The following EPHA4 variants were observed in gnomAD, a reference collection of about 807,000 sequenced individuals.
EPHA4 encodes the protein ephrin type-A receptor 4.
EPHA4 carries 19 observed loss-of-function variants against 108.3 expected under a neutral mutation model. The ratio of observed to expected loss-of-function variants is 0.18; its 90% confidence interval spans 0.12 to 0.26. EPHA4 has a LOEUF of 0.26. EPHA4 is among the 10% of genes least tolerant of loss of function. EPHA4 has a pLI of 1.00. For missense variants in EPHA4, 917 were observed against 1,254.0 expected (o/e 0.73, Z 4.06); for synonymous variants, 449 against 455.5 (o/e 0.99, Z 0.18).
At chr2:221,422,824 C>T (rs1452761985) in intron 17 of EPHA4, among the ~76,000 whole-genome samples, 3 of 152,164 alleles carry the variant, frequency 2.0e-5, no homozygotes, top group Non-Finnish European at 4.4e-5. Flanking sequence ...CTTTTCATTG[C>T]AATAGAATTT....
At chr2:221,570,838 G>A (rs919018308) in intron 1 of EPHA4, among the ~76,000 whole-genome samples, 3 of 151,812 alleles carry the variant, frequency 2.0e-5, no homozygotes, top group African/African-American at 7.3e-5. Flanking sequence ...ATATATGGAT[G>A]GATGCATTAT....
intron 5 of EPHA4, among the ~76,000 whole-genome samples, chr2:221,478,569 G>A (rs533423890): frequency 7.2e-4 from 109 of 152,140 alleles, no homozygotes; most frequent in Non-Finnish European, 1.4e-3. Flanking sequence ...TACTGGGTAC[G>A]ACTTCAGCTG....
intron 17 of EPHA4, chr2:221,422,188 A>T (rs1689779725): frequency 6.6e-6 from 1 of 152,206 alleles, no homozygotes; most frequent in South Asian, 2.1e-4. Context: ...AAAGTCATCA[A>T]ATCTACCTTC....
chr2:221,470,143 G>T (rs1005469465), intron 5 of EPHA4, among the ~76,000 whole-genome samples: 1 of 152,068 alleles, frequency 6.6e-6, no homozygotes, highest in Non-Finnish European at 1.5e-5. Context: ...TCCTGACAAG[G>T]CCAGAGAGTC....
At chr2:221,567,135 A>G (rs1255035854) in intron 2 of EPHA4, among the ~76,000 whole-genome samples, 2 of 152,192 alleles carry the variant, frequency 1.3e-5, no homozygotes, top group Non-Finnish European at 2.9e-5. Context: ...TTAGTGAAAC[A>G]AGTCAGGTTC....
At chr2:221,556,434 C>T (rs1302895274) in intron 3 of EPHA4, among the ~76,000 whole-genome samples, 1 of 151,134 alleles carries the variant, frequency 6.6e-6, no homozygotes, top group African/African-American at 2.4e-5. Flanking sequence ...GTAGCTGGGA[C>T]TACAGGCTCA....
At chr2:221,510,979 G>C (rs972989186) in intron 3 of EPHA4, among the ~76,000 whole-genome samples, 1 of 152,172 alleles carries the variant, frequency 6.6e-6, no homozygotes, top group Non-Finnish European at 1.5e-5. Context: ...TGGGAATAAA[G>C]ATTGCTAGCT....
chr2:221,552,671 A>G (rs1296282079), intron 3 of EPHA4, among the ~76,000 whole-genome samples: 2 of 152,232 alleles, frequency 1.3e-5, no homozygotes, highest in Non-Finnish European at 2.9e-5. Flanking sequence ...AAACACTTAA[A>G]TCTGAAAACA....
Position 221,572,167 on chromosome 2 carries a change from C to T in EPHA4, c.82G>A (p.Ala28Thr), listed in dbSNP as rs763735444. Residue 28 changes from alanine to threonine, a missense_variant, in exon 1 of 18, where the codon GCG (alanine) becomes ACG (threonine). Ala to Thr is a moderately conservative substitution (Grantham distance 58, BLOSUM62 0). Transcript: ENST00000281821. ...GCCGTCCCGCTCTTACCTTCATTCG[C>T]GGGGTATACCCTGGAACCTGTGACA... ...DAVTGSRVYP[A>T]NEVTLLDSRS... is the part of the protein sequence containing the mutation. The T allele has an allele frequency of 1.2e-6, 2 of 1,613,840 alleles. No individual in the cohort carries two copies. The highest frequency in any genetic ancestry group is 1.7e-6 in the Non-Finnish European group (2 of 1,179,754).
At chr2:221,517,452 G>C (rs538883480) in intron 3 of EPHA4, among the ~76,000 whole-genome samples, 2 of 152,196 alleles carry the variant, frequency 1.3e-5, no homozygotes, top group East Asian at 3.9e-4. Flanking sequence ...GATTCATTTG[G>C]CTGCTGGTAG....
At chr2:221,428,224 C>T (rs1689969312) in intron 15 of EPHA4, among the ~76,000 whole-genome samples, 1 of 152,154 alleles carries the variant, frequency 6.6e-6, no homozygotes, top group Non-Finnish European at 1.5e-5. Flanking sequence ...GTCAAAATGA[C>T]CTTACAATGA....
At chr2:221,450,238 A>T (rs1373668185) in intron 8 of EPHA4, among the ~76,000 whole-genome samples, 1 of 152,120 alleles carries the variant, frequency 6.6e-6, no homozygotes, top group Non-Finnish European at 1.5e-5. Context: ...GTGAAACCCC[A>T]TCTCTATTAA....
intron 5 of EPHA4, among the ~76,000 whole-genome samples, chr2:221,459,545 C>T (rs1430202046): frequency 6.6e-6 from 1 of 151,280 alleles, no homozygotes; most frequent in African/African-American, 2.4e-5. Context: ...AGGCCCCCTT[C>T]TCCCAACACA....
chr2:221,529,497 T>C (rs1693442330), intron 3 of EPHA4, among the ~76,000 whole-genome samples: 1 of 152,160 alleles, frequency 6.6e-6, no homozygotes, highest in South Asian at 2.1e-4. Context: ...TAAAACAAGG[T>C]TACAAATCTG....
At chr2:221,513,472 A>G (rs537557018) in intron 3 of EPHA4, among the ~76,000 whole-genome samples, 16 of 152,348 alleles carry the variant, frequency 1.1e-4, no homozygotes, top group African/African-American at 3.6e-4. Context: ...GACTGCAGTA[A>G]TAAGTGCTCA....
chr2:221,454,435 G>T (rs1460039449), intron 8 of EPHA4, among the ~76,000 whole-genome samples: 1 of 152,176 alleles, frequency 6.6e-6, no homozygotes, highest in Non-Finnish European at 1.5e-5. Flanking sequence ...AAGCAGCTCA[G>T]CCTACCACTA....
chr2:221,444,032 C>T (rs1690513092), intron 9 of EPHA4, among the ~76,000 whole-genome samples: 2 of 152,214 alleles, frequency 1.3e-5, no homozygotes, highest in South Asian at 4.1e-4. Flanking sequence ...CATGGTGTCA[C>T]ATTTTGCCCA....
Position 221,482,431 on chromosome 2 carries a change from G to A in EPHA4, c.1239C>T (p.Ile413=), listed in dbSNP as rs746723770. 6.1e-5 allele frequency: 98 copies of A among 1,613,980 alleles called. No individual in the cohort carries two copies. Among genetic ancestry groups the A allele is most frequent in the Non-Finnish European group, 7.4e-5 (87 of 1,179,998 alleles). ...ATTTGGACACTCCATTCACAGCCCA[G>A]ATTTCAAAGGTGTAATTGGTATGAG... ...LLAHTNYTFE[I]WAVNGVSKYN... is the part of the protein sequence containing the mutation. The change falls in exon 5 of 18, where the codon ATC becomes ATT. Residue 413 remains isoleucine (I), a synonymous_variant. Transcript: ENST00000281821.
intron 17 of EPHA4, among the ~76,000 whole-genome samples, chr2:221,420,917 C>T (rs1689740330): frequency 2.0e-5 from 3 of 152,280 alleles, no homozygotes; most frequent in Non-Finnish European, 4.4e-5. Context: ...ATGCTTTAAC[C>T]ACCGTGTTGA....
Sources: gnomAD v4.1 joint callset for allele counts (sites outside exome capture counted in the v4.1 genomes callset) on GRCh38, gnomAD v4.1.1 for gene constraint, MANE v1.5 for transcripts, NCBI Gene and HGNC (gene_info 2026-07-23, HGNC 2026-07-21) for gene names.